The following MARCHF1 variants were observed in gnomAD, a reference collection of about 807,000 sequenced individuals.
MARCHF1 encodes the protein E3 ubiquitin-protein ligase MARCHF1.
In MARCHF1, 40 loss-of-function variants were observed where a neutral mutation model predicts 54.2. That is an observed-to-expected ratio of 0.74 (90% CI 0.57 to 0.96). The LOEUF (loss-of-function observed/expected upper bound fraction) is 0.96. MARCHF1 is among the 40% of genes least tolerant of loss of function. MARCHF1 has a pLI of 0.00. For missense variants in MARCHF1, 586 were observed against 656.5 expected (o/e 0.89, Z 1.17); for synonymous variants, 236 against 236.3 (o/e 1.00, Z 0.01).
intron 5 of MARCHF1, among the ~76,000 whole-genome samples, chr4:163,669,006 G>A (rs1201365402): frequency 6.6e-6 from 1 of 152,114 alleles, no homozygotes; most frequent in Non-Finnish European, 1.5e-5. Context: ...AGAACTTCTG[G>A]AGAATTACAG....
chr4:163,617,246 G>A (rs58884800), intron 5 of MARCHF1, among the ~76,000 whole-genome samples: 21 of 152,226 alleles, frequency 1.4e-4, no homozygotes, highest in African/African-American at 3.6e-4. Flanking sequence ...AGACTGGCAA[G>A]GATAGGGAAA....
intron 1 of MARCHF1, among the ~76,000 whole-genome samples, chr4:164,276,947 T>TATATATATAGAGAG (rs1392528920): frequency 2.6e-4 from 31 of 118,816 alleles, no homozygotes; most frequent in Non-Finnish European, 3.5e-4. Flanking sequence ...TATATATATA[T>TATATATATAGAGAG]AGAGAGAGAG....
chr4:163,613,313 C>A lies in MARCHF1; in HGVS notation c.242+1G>T. 6.2e-7 allele frequency: 1 copy of A among 1,607,938 alleles called. No homozygotes were observed. Among genetic ancestry groups the A allele is most frequent in the Non-Finnish European group, 8.5e-7 (1 of 1,177,896 alleles). ...ATTAAGATAATTTGTTCAGCACTTACCTGCAGATGTCCTGAGTGGATGGAC... is the reference window on the plus strand; with the variant it reads ...ATTAAGATAATTTGTTCAGCACTTAACTGCAGATGTCCTGAGTGGATGGAC... On this transcript the variant is annotated splice_donor_variant, in intron 6 of 9. Coordinates refer to ENST00000514618, the MANE Select transcript of MARCHF1 (RefSeq NM_001394959.1). LOFTEE classifies it high-confidence loss of function.
At chr4:163,656,277 C>G (rs558087916) in intron 5 of MARCHF1, among the ~76,000 whole-genome samples, 7 of 151,894 alleles carry the variant, frequency 4.6e-5, no homozygotes, top group Non-Finnish European at 1.0e-4. Flanking sequence ...ACTATAAATA[C>G]CTCTATGCAA....
At chr4:163,964,473 A>G (rs1752403329) in intron 3 of MARCHF1, among the ~76,000 whole-genome samples, 2 of 152,028 alleles carry the variant, frequency 1.3e-5, no homozygotes, top group African/African-American at 4.8e-5. Context: ...TTTCTGATTC[A>G]GAAGGCCTAA....
intron 4 of MARCHF1, among the ~76,000 whole-genome samples, chr4:163,747,797 A>C (rs1746404532): frequency 6.6e-6 from 1 of 152,210 alleles, no homozygotes; most frequent in African/African-American, 2.4e-5. Flanking sequence ...AAAGAAATAT[A>C]ACAAAGACAT....
At chr4:164,332,989 T>C (rs1271839067) in intron 1 of MARCHF1, among the ~76,000 whole-genome samples, 1 of 152,100 alleles carries the variant, frequency 6.6e-6, no homozygotes, top group Non-Finnish European at 1.5e-5. Flanking sequence ...TATTGTTCAA[T>C]TGTTCTTGTA....
intron 3 of MARCHF1, among the ~76,000 whole-genome samples, chr4:163,915,944 A>G (rs1304067813): frequency 6.6e-6 from 1 of 152,106 alleles, no homozygotes; most frequent in Non-Finnish European, 1.5e-5. Flanking sequence ...TAAGAACCTG[A>G]ATATAGATAT....
chr4:163,528,517 C>A lies in MARCHF1; in HGVS notation c.*231G>T. The A allele has an allele frequency of 4.2e-6, 2 of 473,510 alleles. No individual in the cohort carries two copies. The highest frequency in any genetic ancestry group is 7.5e-6 in the Non-Finnish European group (2 of 267,268). 29.3% of individuals were successfully genotyped at this position (473,510 alleles called of 1,614,324 possible). ...AATTGTCTTGGAAATCATTCTCTTG[C>A]AAACTTCACATTTCCATATCATACT... On this transcript the variant is annotated 3_prime_UTR_variant, in exon 10 of 10. Transcript: ENST00000514618.
At chr4:163,535,775 T>A (rs1738509678) in intron 9 of MARCHF1, among the ~76,000 whole-genome samples, 1 of 151,390 alleles carries the variant, frequency 6.6e-6, no homozygotes, top group Admixed American at 6.6e-5. Flanking sequence ...TTTCTTAAGT[T>A]CCTACTTGGC....
intron 1 of MARCHF1, among the ~76,000 whole-genome samples, chr4:164,249,697 T>G (rs1281003130): frequency 6.7e-6 from 1 of 148,458 alleles, no homozygotes; most frequent in Non-Finnish European, 1.5e-5. Context: ...GGGAGAACAG[T>G]AAAAACCAGT....
intron 1 of MARCHF1, among the ~76,000 whole-genome samples, chr4:164,307,176 T>G (rs74858418): frequency 0.034 from 5,223 of 152,174 alleles, 308 homozygotes; most frequent in African/African-American, 0.12. Context: ...AGATTTTCTG[T>G]ACAAAGGACA....
At chr4:164,277,971 A>ACAGC (rs1311257363) in intron 1 of MARCHF1, among the ~76,000 whole-genome samples, 21 of 152,370 alleles carry the variant, frequency 1.4e-4, no homozygotes, top group African/African-American at 4.6e-4. Flanking sequence ...ATTAAGGAGC[A>ACAGC]CAGCTATGAA....
chr4:164,236,702 G>C (rs964140501), intron 1 of MARCHF1, among the ~76,000 whole-genome samples: 1 of 151,900 alleles, frequency 6.6e-6, no homozygotes, highest in Non-Finnish European at 1.5e-5. Context: ...TTGATTTTGG[G>C]GTTACAAACA....
At chr4:164,268,287 T>G (rs1308994447) in intron 1 of MARCHF1, among the ~76,000 whole-genome samples, 2 of 152,144 alleles carry the variant, frequency 1.3e-5, no homozygotes, top group Non-Finnish European at 2.9e-5. Context: ...CCTATTTAAA[T>G]CTGGGTACTG....
chr4:163,719,365 C>CT (rs1314042682), intron 4 of MARCHF1, among the ~76,000 whole-genome samples: 1 of 152,072 alleles, frequency 6.6e-6, no homozygotes, highest in East Asian at 1.9e-4. Flanking sequence ...TGAACTCATC[C>CT]TTTTTTGTGA....
At chr4:163,874,095 T>C (rs181336686) in intron 3 of MARCHF1, among the ~76,000 whole-genome samples, 9 of 152,360 alleles carry the variant, frequency 5.9e-5, no homozygotes, top group Admixed American at 5.2e-4. Flanking sequence ...GGCTGAATTA[T>C]CATAGAGGTA....
At chr4:163,899,869 C>T (rs1560810595) in intron 3 of MARCHF1, among the ~76,000 whole-genome samples, 13 of 146,028 alleles carry the variant, frequency 8.9e-5, no homozygotes, top group Admixed American at 7.6e-4. Flanking sequence ...CCAAGCTATG[C>T]CTTTCTTTTT....
chr4:163,974,670 G>C (rs944317931), intron 3 of MARCHF1, among the ~76,000 whole-genome samples: 43 of 152,092 alleles, frequency 2.8e-4, no homozygotes, highest in Non-Finnish European at 1.6e-4. Context: ...TAGATATATG[G>C]TACCTGAAAA....
Sources: allele counts gnomAD v4.1 joint callset (sites outside exome capture counted in the v4.1 genomes callset), GRCh38; gene constraint gnomAD v4.1.1; transcripts MANE v1.5; gene names NCBI Gene and HGNC (gene_info 2026-07-23, HGNC 2026-07-21).